Variants in SNX14 observed in about 807,000 individuals in gnomAD.
SNX14 encodes the protein sorting nexin 14.
SNX14 carries 93 observed loss-of-function variants against 133.8 expected under a neutral mutation model. The observed-to-expected ratio is 0.70, with a 90% CI of 0.59 to 0.83. SNX14 has a LOEUF of 0.83. Ranked by LOEUF, SNX14 falls within the 40% of genes least tolerant of loss-of-function variation. The pLI is 0.00. For missense variants in SNX14, 945 were observed against 1,094.9 expected (o/e 0.86, Z 1.93); for synonymous variants, 368 against 365.6 (o/e 1.01, Z -0.07).
chr6:85,512,318 A>C (rs1773164537), intron 26 of SNX14, among the ~76,000 whole-genome samples: 1 of 151,830 alleles, frequency 6.6e-6, no homozygotes, highest in Non-Finnish European at 1.5e-5. Context: ...TGGAGGTAAA[A>C]CTCACAAAAA....
intron 21 of SNX14, 55 bp downstream of exon 21, chr6:85,526,071 A>T (rs774530059): frequency 1.3e-5 from 16 of 1,187,668 alleles, no homozygotes; most frequent in Non-Finnish European, 1.8e-5. Flanking sequence ...GTTAATCTGA[A>T]AATGCTGATT....
rs371536900 is a variant in SNX14 at position 85,514,054 on chromosome 6, A to G, written c.2557+16T>C. 2 of 1,594,706 alleles carry G rather than the reference A, an allele frequency of 1.3e-6. No homozygotes were observed. The highest frequency in any genetic ancestry group is 4.5e-5 in the East Asian group (2 of 44,748). The stretch of plus-strand genomic sequence containing the variant: ...AGTACACAAAATATGAAACAAACAC[A>G]TTAGAAAATACAAACCTCTGAGAAG... On this transcript the variant is annotated intron_variant, in intron 25 of 28. Transcript: ENST00000314673.
intron 1 of SNX14, chr6:85,581,548 C>T (rs894440891): frequency 2.0e-5 from 3 of 152,140 alleles, no homozygotes; most frequent in Non-Finnish European, 4.4e-5. Context: ...TGTGACCTTT[C>T]AGATGGAGAA....
chr6:85,574,363 T>C lies in SNX14; in HGVS notation c.156A>G (p.Leu52=). Residue 52 remains leucine, a synonymous_variant, in exon 2 of 29, where the codon TTA becomes TTG. Transcript: ENST00000314673. ...CAGCAACAAATGACCAGAAGATCAT[T>C]AAAATATGAATATACCTTAAAAATA... ...SLLLNRYIHI[L]MIFWSFVAGV... is the part of the protein sequence containing the mutation. 6.4e-7 allele frequency: 1 copy of C among 1,560,938 alleles called. No individual in the cohort carries two copies. Among genetic ancestry groups the C allele is most frequent in the Non-Finnish European group, 8.8e-7 (1 of 1,139,486 alleles).
chr6:85,530,499 G>A (rs1373499414), intron 18 of SNX14, among the ~76,000 whole-genome samples: 2 of 151,990 alleles, frequency 1.3e-5, no homozygotes, highest in East Asian at 3.9e-4. Flanking sequence ...ACAAAAATTA[G>A]CCAGGTGTGG....
rs111718193 is a variant in SNX14 at position 85,513,595 on chromosome 6, G to A, written c.2653+205C>T. Among the ~76,000 whole-genome samples the A allele has an allele frequency of 0.014, 2,127 of 152,292 alleles. 46 individuals carry two copies. Among genetic ancestry groups the A allele is most frequent in the African/African-American group, 0.049 (2,037 of 41,548 alleles). On this transcript the variant is annotated intron_variant, in intron 26 of 28. Coordinates refer to ENST00000314673, the MANE Select transcript of SNX14 (RefSeq NM_153816.6). ...TCTGGCTATTATGTGAGTAGAAACA[G>A]CCTTGCCTTAAAGTCCTAATATCTT...
At chr6:85,508,278 A>AC in intron 26 of SNX14, 1 of 1,172,452 alleles carries the variant, frequency 8.5e-7, no homozygotes, top group East Asian at 3.7e-5. Flanking sequence ...TTGGAGATTC[A>AC]CAATGCACAA....
Position 85,572,285 on chromosome 6 carries a change from AT to A in SNX14, c.338+12del, listed in dbSNP as rs767783190. On this transcript the variant is annotated intron_variant, in intron 3 of 28. Transcript: ENST00000314673. ...ATTAGAAGGATCAACAAATAAAAAA[AT>A]ATTTAACTTACCTATGTCGTTTACA... 6.4e-5 allele frequency: 104 copies of A among 1,612,456 alleles called. No homozygotes were observed. The African/African-American group carries it at 1.1e-3, about 17-fold the overall frequency.
chr6:85,543,088 T>C (rs1267361498), intron 14 of SNX14, 94 bp downstream of exon 14: 1 of 1,197,522 alleles, frequency 8.4e-7, no homozygotes. Context: ...ATTTTTCTAT[T>C]TATTTTGTTA....
intron 2 of SNX14, 115 bp downstream of exon 2, chr6:85,574,143 G>T: frequency 1.2e-4 from 90 of 723,202 alleles, no homozygotes; most frequent in Non-Finnish European, 1.5e-4. Context: ...AGAAGAAATT[G>T]AAAGAAAACA....
chr6:85,564,920 C>G (rs980587137), intron 6 of SNX14, among the ~76,000 whole-genome samples: 1 of 150,784 alleles, frequency 6.6e-6, no homozygotes, highest in Non-Finnish European at 1.5e-5. Flanking sequence ...ACCTGGGAGG[C>G]GGAGGTTGCA....
intron 21 of SNX14, among the ~76,000 whole-genome samples, chr6:85,522,645 T>C (rs144636061): frequency 3.3e-5 from 5 of 152,302 alleles, no homozygotes; most frequent in East Asian, 1.9e-4. Flanking sequence ...TTTAGCATCA[T>C]CCTTTAAACT....
rs1412378388 is a variant in SNX14, at chr6:85,572,390, G to A, written c.262-16C>T. 1.3e-6 allele frequency: 2 copies of A among 1,589,456 alleles called. No individual in the cohort carries two copies. Among genetic ancestry groups the A allele is most frequent in the Middle Eastern group, 1.7e-4 (1 of 5,994 alleles). On this transcript the variant is annotated splice_polypyrimidine_tract_variant and intron_variant, in intron 2 of 28. Transcript: ENST00000314673. The stretch of plus-strand genomic sequence containing the variant: ...GTCCTAACTGCTAAAAAAGGAAAAT[G>A]AGAGGTGGTGGGGAGATCCATCTTT...
Position 85,533,597 on chromosome 6 carries a change from A to T in SNX14, c.1810+2T>A. On this transcript the variant is annotated splice_donor_variant, in intron 18 of 28. Transcript: ENST00000314673. LOFTEE classifies it high-confidence loss of function. Reference sequence around the variant, plus strand: ...AAGAAAGGTGCTCAGAAAGCTTCCTACCTGCTCTTCTATCATTTCTTTCAA... The same window carrying T: ...AAGAAAGGTGCTCAGAAAGCTTCCTTCCTGCTCTTCTATCATTTCTTTCAA... 6.2e-7 allele frequency: 1 copy of T among 1,611,782 alleles called. No homozygotes were observed. The highest frequency in any genetic ancestry group is 8.5e-7 in the Non-Finnish European group (1 of 1,179,674).
At chr6:85,537,777 C>T (rs966036325) in intron 16 of SNX14, among the ~76,000 whole-genome samples, 2 of 152,122 alleles carry the variant, frequency 1.3e-5, no homozygotes, top group African/African-American at 4.8e-5. Context: ...GGCGAAACTG[C>T]GTCTGTACTA....
chr6:85,543,623 C>T lies in SNX14; in HGVS notation c.1246G>A (p.Val416Ile). ...GACTTACTTCTTTGAATCTCTTCTA[C>T]AATGAAGGGATCAAATCTAATTTTG... Reference protein sequence around the residue: ...IDKIRFDPFIVEEIQRIAEGP... With the variant: ...IDKIRFDPFIIEEIQRIAEGP... The change falls in exon 13 of 29, where the codon GTA becomes ATA. Residue 416 changes from valine (V) to isoleucine (I), a missense_variant. Physicochemically the swap from Val to Ile is conservative, Grantham distance 29. Transcript: ENST00000314673. 1 of 1,582,904 alleles carries T rather than the reference C, an allele frequency of 6.3e-7. No individual in the cohort carries two copies. The highest frequency in any genetic ancestry group is 8.6e-7 in the Non-Finnish European group (1 of 1,161,974).
chr6:85,578,273 G>A (rs1356225820), intron 1 of SNX14, among the ~76,000 whole-genome samples: 1 of 152,202 alleles, frequency 6.6e-6, no homozygotes, highest in African/African-American at 2.4e-5. Flanking sequence ...GGATGAATAT[G>A]CAGTTACATT....
chr6:85,524,167 G>A (rs1331713885), intron 21 of SNX14, among the ~76,000 whole-genome samples: 7 of 151,864 alleles, frequency 4.6e-5, no homozygotes, highest in African/African-American at 7.3e-5. Flanking sequence ...GGGCGACAGC[G>A]ACAGACCAAG....
chr6:85,543,118 G>T, intron 14 of SNX14, 64 bp downstream of exon 14: 1 of 1,343,142 alleles, frequency 7.4e-7, no homozygotes, highest in Non-Finnish European at 9.9e-7. Flanking sequence ...CTCATCTAAT[G>T]ATATCAAAGC....
Sources: gnomAD v4.1 joint callset for allele counts (sites outside exome capture counted in the v4.1 genomes callset) on GRCh38, gnomAD v4.1.1 for gene constraint, MANE v1.5 for transcripts, NCBI Gene and HGNC (gene_info 2026-07-23, HGNC 2026-07-21) for gene names.